MAGI2: variants seen among roughly 807,000 people sequenced by gnomAD.
MAGI2 encodes the protein membrane associated guanylate kinase, WW and PDZ domain containing 2.
A neutral mutation model predicts 133.3 loss-of-function variants in MAGI2; 35 were observed. The ratio of observed to expected loss-of-function variants is 0.26; its 90% CI spans 0.20 to 0.35. The LOEUF (loss-of-function observed/expected upper bound fraction) is 0.35, where lower values mean the gene tolerates loss of function less well. Ranked by LOEUF, MAGI2 falls within the 10% of genes least tolerant of loss-of-function variation. The pLI is 1.00. For synonymous variants in MAGI2, 729 were observed against 710.6 expected, an observed-to-expected ratio of 1.03 and a Z score of -0.41; for missense variants, 1,636 against 1,863.4, an observed-to-expected ratio of 0.88 and a Z score of 2.25.
At chr7:78,101,382 A>G (rs1818197237) in intron 20 of MAGI2, among the ~76,000 whole-genome samples, 1 of 152,208 alleles carries the variant, frequency 6.6e-6, no homozygotes, top group Admixed American at 6.5e-5. Context: ...TAGAGAACCC[A>G]GAAATAAACT....
At position 78,700,283 on chromosome 7, in the gene MAGI2, C is replaced by T. The variant is rs139107771; in HGVS notation, c.419-73044G>A. 7.2e-5 allele frequency among the ~76,000 whole-genome samples: 11 copies of T among 152,134 alleles called. No homozygotes were observed. The East Asian group carries it at 2.1e-3, about 29-fold the overall frequency. The stretch of plus-strand genomic sequence containing the variant: ...TGTTTTCCTCTCCAATCTGTGTTTG[C>T]CCATTGGAATTGTTATGAAACATGT... On this transcript the variant is annotated intron_variant, in intron 2 of 21. Transcript: ENST00000354212.
chr7:78,623,099 T>C (rs1406217148), intron 3 of MAGI2, among the ~76,000 whole-genome samples: 1 of 152,152 alleles, frequency 6.6e-6, no homozygotes, highest in African/African-American at 2.4e-5. Context: ...TTTAAAATAC[T>C]GATATTAAAT....
At chr7:79,126,371 T>C (rs1367148915) in intron 1 of MAGI2, among the ~76,000 whole-genome samples, 1 of 152,190 alleles carries the variant, frequency 6.6e-6, no homozygotes, top group Non-Finnish European at 1.5e-5. Context: ...CAAATGAGTG[T>C]GCATATAAGA....
intron 20 of MAGI2, among the ~76,000 whole-genome samples, chr7:78,089,386 G>A (rs1290240110): frequency 1.3e-5 from 2 of 152,146 alleles, no homozygotes; most frequent in African/African-American, 4.8e-5. Flanking sequence ...GGAGAAGGTA[G>A]AATAAAGGAA....
intron 2 of MAGI2, among the ~76,000 whole-genome samples, chr7:78,796,942 G>A (rs1179093749): frequency 6.6e-6 from 1 of 152,080 alleles, no homozygotes; most frequent in Non-Finnish European, 1.5e-5. Context: ...TTTCACAGAG[G>A]TAGAGAGTAG....
chr7:78,361,307 T>C (rs1004397973), intron 7 of MAGI2, among the ~76,000 whole-genome samples: 4 of 151,060 alleles, frequency 2.6e-5, no homozygotes, highest in African/African-American at 9.7e-5. Flanking sequence ...GGCAGAGAAC[T>C]GCTTGAAACC....
chr7:78,200,599 A>G (rs1415063157), intron 11 of MAGI2, among the ~76,000 whole-genome samples: 1 of 152,174 alleles, frequency 6.6e-6, no homozygotes, highest in African/African-American at 2.4e-5. Flanking sequence ...ATATACATAT[A>G]TATATACACA....
chr7:78,327,284 G>A (rs1353749534), intron 9 of MAGI2, among the ~76,000 whole-genome samples: 3 of 152,134 alleles, frequency 2.0e-5, no homozygotes, highest in Admixed American at 6.5e-5. Context: ...ACTGAGTTGC[G>A]ATGGCTTCAT....
intron 2 of MAGI2, among the ~76,000 whole-genome samples, chr7:78,761,204 T>C (rs1377057125): frequency 2.0e-5 from 3 of 152,198 alleles, no homozygotes; most frequent in African/African-American, 7.2e-5. Flanking sequence ...AGAGGTAAGA[T>C]ATTAACTTGT....
chr7:79,418,702 C>G (rs1846715483), intron 1 of MAGI2, among the ~76,000 whole-genome samples: 1 of 151,720 alleles, frequency 6.6e-6, no homozygotes, highest in South Asian at 2.1e-4. Context: ...CTTTATGCTT[C>G]TATGTTTCTA....
chr7:78,429,397 C>T (rs1182358076), intron 6 of MAGI2, among the ~76,000 whole-genome samples: 1 of 151,984 alleles, frequency 6.6e-6, no homozygotes, highest in Admixed American at 6.6e-5. Flanking sequence ...GGAGGGCTTA[C>T]AGGCAGCGGT....
chr7:79,420,877 C>T (rs1045539787), intron 1 of MAGI2, among the ~76,000 whole-genome samples: 2 of 151,926 alleles, frequency 1.3e-5, no homozygotes, highest in Admixed American at 6.6e-5. Flanking sequence ...TTCACAGTAA[C>T]GTTAATGTGA....
intron 2 of MAGI2, among the ~76,000 whole-genome samples, chr7:78,636,351 C>CT (rs34984460): frequency 0.29 from 37,054 of 129,092 alleles, 5,536 homozygotes; most frequent in Middle Eastern, 0.39. Flanking sequence ...CAAAAACAGG[C>CT]TTTTTTTTTT....
At chr7:78,933,887 G>A (rs147409827) in intron 2 of MAGI2, among the ~76,000 whole-genome samples, 2 of 152,110 alleles carry the variant, frequency 1.3e-5, no homozygotes, top group Non-Finnish European at 2.9e-5. Flanking sequence ...GATTCCCTCC[G>A]CATCCCTAGA....
At chr7:79,161,965 T>C (rs1824406602) in intron 1 of MAGI2, among the ~76,000 whole-genome samples, 1 of 152,084 alleles carries the variant, frequency 6.6e-6, no homozygotes, top group African/African-American at 2.4e-5. Flanking sequence ...AATTAATTCT[T>C]GCTGCATTTT....
intron 2 of MAGI2, among the ~76,000 whole-genome samples, chr7:78,707,539 A>G (rs4727750): frequency 0.41 from 62,203 of 151,952 alleles, 13,252 homozygotes; most frequent in Middle Eastern, 0.48. Flanking sequence ...CCAAATAAAC[A>G]TTATTATTTC....
At chr7:78,787,221 C>T (rs1826906695) in intron 2 of MAGI2, among the ~76,000 whole-genome samples, 2 of 152,144 alleles carry the variant, frequency 1.3e-5, no homozygotes, top group African/African-American at 4.8e-5. Context: ...GCTGGGATTA[C>T]AGGCGTGAGC....
chr7:78,866,425 T>C (rs1185839748), intron 2 of MAGI2, among the ~76,000 whole-genome samples: 2 of 151,736 alleles, frequency 1.3e-5, no homozygotes, highest in Non-Finnish European at 2.9e-5. Context: ...TAGATATTTA[T>C]GGGTGGGGGA....
intron 1 of MAGI2, among the ~76,000 whole-genome samples, chr7:79,326,933 G>C (rs567975530): frequency 1.3e-5 from 2 of 152,282 alleles, no homozygotes; most frequent in African/African-American, 4.8e-5. Context: ...AAACTTCTGA[G>C]AGAAGACGAA....
Sources: gnomAD v4.1 joint callset for allele counts (sites outside exome capture counted in the v4.1 genomes callset) on GRCh38, gnomAD v4.1.1 for gene constraint, MANE v1.5 for transcripts, NCBI Gene and HGNC (gene_info 2026-07-23, HGNC 2026-07-21) for gene names.